NDFIP1: variants seen among roughly 807,000 people sequenced by gnomAD.
The protein encoded by NDFIP1 is NEDD4 family-interacting protein 1.
NDFIP1 carries 7 observed loss-of-function variants against 28.8 expected under a neutral mutation model. The observed-to-expected ratio is 0.24, with a 90% CI of 0.14 to 0.46. The LOEUF (loss-of-function observed/expected upper bound fraction) is 0.46, where lower values mean the gene tolerates loss of function less well. NDFIP1 is among the 20% of genes least tolerant of loss of function. The pLI, the probability that NDFIP1 is intolerant of heterozygous loss-of-function variation, is 0.99. For synonymous variants in NDFIP1, 92 were observed against 101.0 expected (o/e 0.91, Z 0.53); for missense variants, 194 against 269.1 (o/e 0.72, Z 1.95).
At position 142,152,804 on chromosome 5, in the gene NDFIP1, C is replaced by A. The variant is rs939645404; in HGVS notation, c.*1076C>A. 1.8e-5 allele frequency: 3 copies of A among 164,492 alleles called. No individual in the cohort carries two copies. Among genetic ancestry groups the A allele is most frequent in the Non-Finnish European group, 4.0e-5 (3 of 75,370 alleles). The allele number at this position is 164,492 out of a possible 1,614,324, so 10.2% of individuals were successfully genotyped here. On this transcript the variant is annotated 3_prime_UTR_variant, in exon 8 of 8. Coordinates refer to ENST00000253814, the MANE Select transcript of NDFIP1 (RefSeq NM_030571.4). ...TTTACTGTAGATTAGTGCTTAATTT[C>A]TTGGCTTGCATTTGTTGATTGCTAA... is the stretch of plus-strand genomic sequence containing the variant.
chr5:142,118,027 A>G (rs1389476222), intron 1 of NDFIP1, among the ~76,000 whole-genome samples: 5 of 152,064 alleles, frequency 3.3e-5, no homozygotes, highest in Admixed American at 2.6e-4. Context: ...ACGCCAGCAC[A>G]CCCAGCTGAA....
intron 2 of NDFIP1, 119 bp from the exon 3 acceptor site, chr5:142,132,093 C>G: frequency 8.1e-7 from 1 of 1,231,332 alleles, no homozygotes; most frequent in Non-Finnish European, 1.1e-6. Flanking sequence ...TCTTTTGGTT[C>G]AATTGTTATG....
chr5:142,116,253 T>TTTTTC (rs1757065939), intron 1 of NDFIP1, among the ~76,000 whole-genome samples: 1 of 152,174 alleles, frequency 6.6e-6, no homozygotes, highest in African/African-American at 2.4e-5. Flanking sequence ...ACTGATCAAG[T>TTTTTC]TTAAGAGCAT....
intron 5 of NDFIP1, among the ~76,000 whole-genome samples, chr5:142,139,938 A>C (rs1405263471): frequency 6.6e-6 from 1 of 152,218 alleles, no homozygotes; most frequent in Non-Finnish European, 1.5e-5. Context: ...TAGAAGAGCA[A>C]ATATTATGTG....
At chr5:142,140,679 TA>T in intron 6 of NDFIP1, 50 bp downstream of exon 6, 1 of 1,449,794 alleles carries the variant, frequency 6.9e-7, no homozygotes, top group Non-Finnish European at 9.6e-7. Context: ...CATTAAATTT[TA>T]TAAGTAAAAT....
rs1561602568 is a variant in NDFIP1, at chr5:142,135,751, G to A, written c.304G>A (p.Asp102Asn). The change falls in exon 4 of 8, where the codon GAT becomes AAT. Residue 102 changes from aspartate to asparagine, a missense_variant. Coordinates refer to ENST00000253814, the MANE Select transcript of NDFIP1 (RefSeq NM_030571.4). Reference sequence around the variant, plus strand: ...TTAGGATGAGGATTTTGTGGGTCGGGATGATTTTGATGATGCTGACCAGCT... The same window carrying A: ...TTAGGATGAGGATTTTGTGGGTCGGAATGATTTTGATGATGCTGACCAGCT... ...PGRDEDFVGRDDFDDADQLRI... is the reference protein window; with the variant it reads ...PGRDEDFVGRNDFDDADQLRI... 1 of 1,613,562 alleles carries A rather than the reference G, an allele frequency of 6.2e-7. No homozygotes were observed.
At chr5:142,132,937 T>C (rs1266617624) in intron 3 of NDFIP1, among the ~76,000 whole-genome samples, 1 of 152,232 alleles carries the variant, frequency 6.6e-6, no homozygotes, top group East Asian at 1.9e-4. Context: ...ATTTGTCATT[T>C]TGTAAATATT....
At chr5:142,120,238 G>A (rs1049774244) in intron 1 of NDFIP1, among the ~76,000 whole-genome samples, 2 of 152,184 alleles carry the variant, frequency 1.3e-5, no homozygotes, top group African/African-American at 4.8e-5. Context: ...TTACAGGCAT[G>A]AGCCACTGCA....
At chr5:142,133,424 G>C (rs998195796) in intron 3 of NDFIP1, among the ~76,000 whole-genome samples, 1 of 152,192 alleles carries the variant, frequency 6.6e-6, no homozygotes. Flanking sequence ...AACCTTGAAA[G>C]GTAGAGATTA....
chr5:142,123,570 A>G (rs918457996), intron 1 of NDFIP1, among the ~76,000 whole-genome samples: 1 of 152,112 alleles, frequency 6.6e-6, no homozygotes, highest in Non-Finnish European at 1.5e-5. Flanking sequence ...CCATGTTTCT[A>G]TTTTAGAGCT....
In NDFIP1 at chr5:142,131,722, C is replaced by T. The variant is rs575555048; in HGVS notation, c.64-86C>T. Reference sequence around the variant, plus strand: ...TCAAAATACGTTGCCAAATAGCTTTCGAGAAAGGCTATTTATTTCAGTTTT... The same window carrying T: ...TCAAAATACGTTGCCAAATAGCTTTTGAGAAAGGCTATTTATTTCAGTTTT... On this transcript the variant is annotated intron_variant, in intron 1 of 7. Coordinates refer to ENST00000253814, the MANE Select transcript of NDFIP1 (RefSeq NM_030571.4). The T allele has an allele frequency of 6.9e-5, 70 of 1,007,214 alleles. 1 individual carries two copies. Among genetic ancestry groups the T allele is most frequent in the Middle Eastern group, 2.8e-4 (1 of 3,628 alleles). The allele number at this position is 1,007,214 out of a possible 1,614,324, so 62.4% of individuals were successfully genotyped here. A position where few individuals can be genotyped will look rare whatever the true frequency, so the allele number is the denominator to read the frequency against.
chr5:142,117,793 T>C (rs1757084729), intron 1 of NDFIP1, among the ~76,000 whole-genome samples: 1 of 146,792 alleles, frequency 6.8e-6, no homozygotes, highest in African/African-American at 2.5e-5. Flanking sequence ...AGCCACATAG[T>C]CTCGGCTCAC....
At chr5:142,144,769 G>A in intron 7 of NDFIP1, 93 bp downstream of exon 7, 1 of 727,134 alleles carries the variant, frequency 1.4e-6, no homozygotes. Flanking sequence ...TGTGATAGGG[G>A]CATATAGAGA....
intron 7 of NDFIP1, among the ~76,000 whole-genome samples, chr5:142,145,740 A>G (rs249641): frequency 0.67 from 102,549 of 151,936 alleles, 34,959 homozygotes; most frequent in African/African-American, 0.78. Flanking sequence ...GGTTGAAACA[A>G]GTTTCTCAGA....
At chr5:142,140,844 C>T (rs1173631653) in intron 6 of NDFIP1, among the ~76,000 whole-genome samples, 1 of 152,122 alleles carries the variant, frequency 6.6e-6, no homozygotes, top group Non-Finnish European at 1.5e-5. Context: ...GTTGTAGGTT[C>T]TTCCTAACCT....
At chr5:142,124,228 A>G (rs1757148038) in intron 1 of NDFIP1, among the ~76,000 whole-genome samples, 1 of 152,164 alleles carries the variant, frequency 6.6e-6, no homozygotes, top group South Asian at 2.1e-4. Flanking sequence ...CAGGTTGATG[A>G]TAATTTTCTG....
At chr5:142,115,505 G>A (rs1401685266) in intron 1 of NDFIP1, among the ~76,000 whole-genome samples, 3 of 152,040 alleles carry the variant, frequency 2.0e-5, no homozygotes, top group African/African-American at 7.2e-5. Context: ...GGCTGGTCTT[G>A]AACTCCTGAC....
chr5:142,142,194 G>T (rs1351996168), intron 6 of NDFIP1, among the ~76,000 whole-genome samples: 1 of 152,034 alleles, frequency 6.6e-6, no homozygotes, highest in Non-Finnish European at 1.5e-5. Context: ...GCCTTGCATT[G>T]CTGACCCTAC....
chr5:142,136,871 AC>A (rs1757281217), intron 4 of NDFIP1, among the ~76,000 whole-genome samples: 1 of 151,620 alleles, frequency 6.6e-6, no homozygotes, highest in African/African-American at 2.4e-5. Flanking sequence ...TTCAAGACCA[AC>A]CTGGCCAACA....
Sources: gnomAD v4.1 joint callset for allele counts (sites outside exome capture counted in the v4.1 genomes callset) on GRCh38, gnomAD v4.1.1 for gene constraint, MANE v1.5 for transcripts, NCBI Gene and HGNC (gene_info 2026-07-23, HGNC 2026-07-21) for gene names.